IAPP: variants seen among roughly 807,000 people sequenced by gnomAD.
The protein encoded by IAPP is Islet amyloid polypeptide (diabetes-associated peptide; amylin).
In IAPP, 4 loss-of-function variants were observed where a neutral mutation model predicts 2.9. The observed-to-expected ratio is 1.39, with a 90% CI of 0.69 to 3.19. The LOEUF is 3.19. Ranked by LOEUF, IAPP falls within the 30% of genes most tolerant of loss-of-function variation. The pLI is 0.01. For synonymous variants in IAPP, 40 were observed against 42.1 expected (o/e 0.95, Z 0.19); for missense variants, 114 against 105.3 (o/e 1.08, Z -0.36).
At chr12:21,365,033 T>C (rs1418841440) in intron 1 of IAPP, among the ~76,000 whole-genome samples, 1 of 152,116 alleles carries the variant, frequency 6.6e-6, no homozygotes, top group Non-Finnish European at 1.5e-5. Flanking sequence ...CTTCACAGAA[T>C]TGGAAAAAAC....
chr12:21,378,530 T>C lies in IAPP; in HGVS notation c.*104T>C. On this transcript the variant is annotated 3_prime_UTR_variant, in exon 3 of 3. Transcript: ENST00000240652. The stretch of plus-strand genomic sequence containing the variant: ...AGTGTGAATATATGGTCTGTGTGTC[T>C]GATGTTTGTTGCTAGGACATATACC... 1.1e-6 allele frequency: 1 copy of C among 949,148 alleles called. No individual in the cohort carries two copies. The highest frequency in any genetic ancestry group is 1.7e-6 in the Non-Finnish European group (1 of 591,776). The allele number at this position is 949,148 out of a possible 1,614,324, so 58.8% of individuals were successfully genotyped here. A position where few individuals can be genotyped will look rare whatever the true frequency, so the allele number is the denominator to read the frequency against.
chr12:21,357,603 G>A (rs554344370), intron 1 of IAPP, among the ~76,000 whole-genome samples: 24 of 152,274 alleles, frequency 1.6e-4, no homozygotes, highest in East Asian at 7.7e-4. Flanking sequence ...AGGATTTAGC[G>A]TCCAATAGAT....
At position 21,379,477 on chromosome 12, in the gene IAPP, T is replaced by A. The variant is rs1002704481; in HGVS notation, c.*1051T>A. 6.6e-6 allele frequency: 1 copy of A among 152,238 alleles called. No homozygotes were observed. Among genetic ancestry groups the A allele is most frequent in the Non-Finnish European group, 1.5e-5 (1 of 68,046 alleles). The allele number at this position is 152,238 out of a possible 1,614,324, so 9.4% of individuals were successfully genotyped here. The stretch of plus-strand genomic sequence containing the variant: ...TGTCTTCAATTAAAAGACCACAGAC[T>A]TCTGGAAACTCTTTGCTGTATAAGA... On this transcript the variant is annotated 3_prime_UTR_variant, in exon 3 of 3. Transcript: ENST00000240652.
At chr12:21,368,716 T>C (rs1412957287), upstream of IAPP, among the ~76,000 whole-genome samples, 1 of 152,106 alleles carries the variant, frequency 6.6e-6, no homozygotes, top group Non-Finnish European at 1.5e-5. Context: ...AGATAGATCA[T>C]TTGTTGATAA....
chr12:21,362,844 A>T (rs965407481), intron 1 of IAPP, among the ~76,000 whole-genome samples: 1 of 152,242 alleles, frequency 6.6e-6, no homozygotes, highest in Admixed American at 6.5e-5. Context: ...AGAAGAGCTA[A>T]CTATCCTAAA....
intron 1 of IAPP, among the ~76,000 whole-genome samples, chr12:21,360,436 C>G (rs562732857): frequency 6.6e-6 from 1 of 152,118 alleles, no homozygotes; most frequent in African/African-American, 2.4e-5. Flanking sequence ...GAGGGTGGCA[C>G]CAAGATGGCC....
chr12:21,368,354 C>T (rs1012037207), upstream of IAPP, among the ~76,000 whole-genome samples: 10 of 152,054 alleles, frequency 6.6e-5, no homozygotes, highest in African/African-American at 2.4e-4. Context: ...CAAATGCCCC[C>T]ATTTTTTAAA....
chr12:21,364,271 A>G (rs542115818), intron 1 of IAPP, among the ~76,000 whole-genome samples: 3 of 152,364 alleles, frequency 2.0e-5, no homozygotes, highest in Admixed American at 2.0e-4. Context: ...ATAATCCATC[A>G]TATAAACAGA....
Position 21,378,554 on chromosome 12 carries a change from C to A in IAPP, c.*128C>A. ...CTGATGTTTGTTGCTAGGACATATA[C>A]CTTCTCAAAAGATTGTTTTATATGT... On this transcript the variant is annotated 3_prime_UTR_variant, in exon 3 of 3. Transcript: ENST00000240652. 1 of 753,612 alleles carries A rather than the reference C, an allele frequency of 1.3e-6. No individual in the cohort carries two copies. The highest frequency in any genetic ancestry group is 2.3e-6 in the Non-Finnish European group (1 of 441,216). The allele number at this position is 753,612 out of a possible 1,614,324, so 46.7% of individuals were successfully genotyped here. A position where few individuals can be genotyped will look rare whatever the true frequency, so the allele number is the denominator to read the frequency against.
intron 1 of IAPP, among the ~76,000 whole-genome samples, chr12:21,356,760 C>T (rs61927807): frequency 0.047 from 7,128 of 152,140 alleles, 257 homozygotes; most frequent in Non-Finnish European, 0.076. Context: ...GCTTAATTCT[C>T]ATGCAGTCCA....
At chr12:21,367,985 A>G (rs1334114772), upstream of IAPP, among the ~76,000 whole-genome samples, 1 of 152,164 alleles carries the variant, frequency 6.6e-6, no homozygotes, top group African/African-American at 2.4e-5. Flanking sequence ...TGACAGAATT[A>G]GACTAGCACT....
At chr12:21,375,509 T>C (rs1565522014) in intron 2 of IAPP, among the ~76,000 whole-genome samples, 2 of 152,230 alleles carry the variant, frequency 1.3e-5, no homozygotes, top group African/African-American at 2.4e-5. Context: ...TTTTTCAATT[T>C]GTAAATGTAT....
chr12:21,361,858 A>C (rs527826209), intron 1 of IAPP, among the ~76,000 whole-genome samples: 7 of 152,322 alleles, frequency 4.6e-5, no homozygotes, highest in African/African-American at 1.7e-4. Flanking sequence ...AAGAGTAAAA[A>C]GAAATGAACA....
Position 21,365,852 on chromosome 12 carries a change from C to G in IAPP, c.-15-7485C>G, listed in dbSNP as rs374444080. On this transcript the variant is annotated intron_variant, in intron 1 of 2. Coordinates refer to the IAPP transcript ENST00000539393. The stretch of plus-strand genomic sequence containing the variant: ...TGCACATCAAAACCACAATGAGATA[C>G]CATCTCATGCCAGTTAGACTGGCAA... 7.2e-4 allele frequency among the ~76,000 whole-genome samples: 110 copies of G among 152,290 alleles called. 2 individuals are homozygous for G. In the South Asian group the frequency reaches 0.023, roughly 31 times the overall value.
intron 1 of IAPP, among the ~76,000 whole-genome samples, chr12:21,358,567 T>A (rs977567977): frequency 6.6e-6 from 1 of 152,182 alleles, no homozygotes; most frequent in Non-Finnish European, 1.5e-5. Context: ...TTGTGTATAG[T>A]TCTATCATCA....
chr12:21,368,548 T>C (rs947845206), upstream of IAPP, among the ~76,000 whole-genome samples: 1 of 152,084 alleles, frequency 6.6e-6, no homozygotes, highest in Non-Finnish European at 1.5e-5. Context: ...AAATTGTATG[T>C]TTAGATGGGA....
At chr12:21,370,955 G>C (rs911873578), upstream of IAPP, among the ~76,000 whole-genome samples, 1 of 152,216 alleles carries the variant, frequency 6.6e-6, no homozygotes, top group Non-Finnish European at 1.5e-5. Context: ...GAAGAAAACA[G>C]CTTTATTGAA....
At position 21,378,318 on chromosome 12, in the gene IAPP, C is replaced by T. The variant is rs1940358330; in HGVS notation, c.162C>T (p.Asn54=). 1 of 1,614,026 alleles carries T rather than the reference C, an allele frequency of 6.2e-7. No homozygotes were observed. Among genetic ancestry groups the T allele is most frequent in the Admixed American group, 1.7e-5 (1 of 60,000 alleles). Reference sequence around the variant, plus strand: ...CAAATTTTTTAGTTCATTCCAGCAACAACTTTGGTGCCATTCTCTCATCTA... The same window carrying T: ...CAAATTTTTTAGTTCATTCCAGCAATAACTTTGGTGCCATTCTCTCATCTA... ...RLANFLVHSS[N]NFGAILSSTN... is the part of the protein sequence containing the mutation. The change falls in exon 3 of 3, where the codon AAC becomes AAT. Residue 54 remains asparagine (N), a synonymous_variant. Coordinates refer to ENST00000240652, the MANE Select transcript of IAPP (RefSeq NM_000415.3).
rs944148907 is a variant in IAPP at position 21,355,302 on chromosome 12, T to C, written c.-16+289T>C. ...CACTATTTCCTGAAGTATGGCTTTA[T>C]CCTGAAGAGTCCTCCCACTAAAAGA... is the stretch of plus-strand genomic sequence containing the variant. On this transcript the variant is annotated intron_variant, in intron 1 of 2. Coordinates refer to the IAPP transcript ENST00000539393. Among the ~76,000 whole-genome samples the C allele has an allele frequency of 1.3e-4, 20 of 152,244 alleles. No individual in the cohort carries two copies. In the East Asian group the frequency reaches 3.5e-3, roughly 26 times the overall value.
Sources: gnomAD v4.1 joint callset for allele counts (sites outside exome capture counted in the v4.1 genomes callset) on GRCh38, gnomAD v4.1.1 for gene constraint, MANE v1.5 for transcripts, NCBI Gene and HGNC (gene_info 2026-07-23, HGNC 2026-07-21) for gene names.